Variants in NCR1 observed in about 807,000 individuals in gnomAD.
NCR1 encodes the protein NK cell-activating receptor.
A neutral mutation model predicts 32.5 loss-of-function variants in NCR1; 30 were observed. The observed-to-expected ratio is 0.92, with a 90% CI of 0.69 to 1.25. NCR1 has a LOEUF of 1.25. Among genes scored for constraint, NCR1 ranks in the 50% most tolerant of loss-of-function variants. The probability of loss-of-function intolerance (pLI) is 0.00; values close to 1 mark genes in which losing one functional copy is unlikely to be tolerated. For synonymous variants in NCR1, 169 were observed against 143.4 expected, an observed-to-expected ratio of 1.18 and a Z score of -1.28; for missense variants, 369 against 380.7, an observed-to-expected ratio of 0.97 and a Z score of 0.26.
At chr19:54,937,022 T>C in the NCR1 span, among the ~76,000 whole-genome samples, 898 of 151,166 alleles carry the variant, frequency 5.9e-3, 6 homozygotes, top group Middle Eastern at 0.01. Context: ...ATCAAGACCA[T>C]CCTGGCTAAC....
chr19:54,934,756 C>A, the NCR1 span: 1 of 1,044,312 alleles, frequency 9.6e-7, no homozygotes, highest in Admixed American at 2.6e-5. The surrounding 1 kb of genome is among the most constrained non-coding windows in gnomAD (Gnocchi z 6.7). Context: ...GTTGCCCAGT[C>A]TGGAATGCAA....
At chr19:54,904,822 G>A (rs761284368), upstream of NCR1, among the ~76,000 whole-genome samples, 15 of 152,072 alleles carry the variant, frequency 9.9e-5, no homozygotes, top group Non-Finnish European at 1.6e-4. Context: ...CTGAGCCACC[G>A]TGTCTGGCCA....
At chr19:54,915,360 A>T (rs182760586), downstream of NCR1, among the ~76,000 whole-genome samples, 13 of 152,232 alleles carry the variant, frequency 8.5e-5, no homozygotes, top group East Asian at 2.5e-3. Flanking sequence ...ACCCATTTAT[A>T]TACTCATCGC....
At chr19:54,912,287 A>C in intron 6 of NCR1, 69 bp downstream of exon 6, 1 of 1,479,398 alleles carries the variant, frequency 6.8e-7, no homozygotes, top group Non-Finnish European at 9.4e-7. Context: ...TAGGAAGGGA[A>C]TCTAAATGGG....
chr19:54,907,335 G>C (rs1427857086), intron 3 of NCR1, among the ~76,000 whole-genome samples: 4 of 151,040 alleles, frequency 2.6e-5, no homozygotes, highest in Non-Finnish European at 4.4e-5. Context: ...ATTTTTAGTA[G>C]AGATGGGGTT....
chr19:54,935,874 C>T, the NCR1 span, among the ~76,000 whole-genome samples: 2 of 151,914 alleles, frequency 1.3e-5, no homozygotes, highest in East Asian at 3.9e-4. Flanking sequence ...GATCTGAGAT[C>T]GAACAGTTTC....
At chr19:54,929,972 A>G in the NCR1 span, among the ~76,000 whole-genome samples, 83,109 of 150,444 alleles carry the variant, frequency 0.55, 23,230 homozygotes, top group East Asian at 0.71. Flanking sequence ...AAAATTAGCC[A>G]GGCACGGTGG....
chr19:54,898,867 G>A, the NCR1 span, among the ~76,000 whole-genome samples: 8,266 of 152,244 alleles, frequency 0.054, 374 homozygotes, highest in African/African-American at 0.12. Context: ...GCTAGTCATG[G>A]AATGGAACTG....
upstream of NCR1, among the ~76,000 whole-genome samples, chr19:54,903,448 A>C (rs962259737): frequency 1.7e-5 from 2 of 117,668 alleles, 1 homozygote; most frequent in African/African-American, 6.5e-5. Context: ...ACATGTATGT[A>C]TATACATATA....
chr19:54,936,417 G>T, the NCR1 span: 2 of 1,614,062 alleles, frequency 1.2e-6, no homozygotes, highest in East Asian at 2.2e-5. Context: ...GGTGTCAGGG[G>T]TGACGTTTTT....
chr19:54,907,485 CTTT>C (rs34400827), intron 3 of NCR1, among the ~76,000 whole-genome samples: 8 of 137,020 alleles, frequency 5.8e-5, no homozygotes, highest in African/African-American at 8.1e-5. Context: ...AAAAAATTAG[CTTT>C]TTTTTTTTTT....
At chr19:54,926,168 C>T in the NCR1 span, among the ~76,000 whole-genome samples, 4 of 151,556 alleles carry the variant, frequency 2.6e-5, no homozygotes, top group Admixed American at 2.6e-4. Context: ...CCCAGGACAG[C>T]TCTGGGAACT....
chr19:54,927,652 C>G, the NCR1 span: 1 of 1,614,182 alleles, frequency 6.2e-7, no homozygotes, highest in East Asian at 2.2e-5. Flanking sequence ...CCCCAAAGAG[C>G]TTAATTATGC....
At chr19:54,923,435 T>C in the NCR1 span, 192 of 454,206 alleles carry the variant, frequency 4.2e-4, 2 homozygotes, top group South Asian at 3.9e-3. Context: ...TTCTTAGCAA[T>C]ACTTCCTCCT....
the NCR1 span, among the ~76,000 whole-genome samples, chr19:54,935,413 T>C: frequency 7.2e-5 from 11 of 151,956 alleles, no homozygotes; most frequent in Admixed American, 4.6e-4. Flanking sequence ...AATTTTATCC[T>C]GGCCAGGCGC....
At chr19:54,919,569 G>A (rs1216889535), downstream of NCR1, among the ~76,000 whole-genome samples, 10 of 152,054 alleles carry the variant, frequency 6.6e-5, no homozygotes, top group Admixed American at 1.3e-4. Context: ...ACATGAAGGC[G>A]GACTAGGAGC....
the NCR1 span, chr19:54,938,171 A>G: frequency 1.9e-6 from 3 of 1,614,146 alleles, no homozygotes; most frequent in South Asian, 2.2e-5. Context: ...AAGAGAGAGC[A>G]GAAATCTGTC....
At chr19:54,914,634 C>T (rs555222107), downstream of NCR1, among the ~76,000 whole-genome samples, 4 of 152,172 alleles carry the variant, frequency 2.6e-5, no homozygotes, top group South Asian at 6.2e-4. Flanking sequence ...TCACCGTACC[C>T]GGCCACCATC....
upstream of NCR1, among the ~76,000 whole-genome samples, chr19:54,903,539 T>C (rs1418592909): frequency 6.9e-6 from 1 of 144,754 alleles, no homozygotes; most frequent in East Asian, 2.1e-4. Flanking sequence ...TATATATGCA[T>C]GTATGCATGT....
Sources: allele counts gnomAD v4.1 joint callset (sites outside exome capture counted in the v4.1 genomes callset), GRCh38; gene constraint gnomAD v4.1.1; non-coding constraint Gnocchi (gnomAD v3.1); transcripts MANE v1.5; gene names NCBI Gene and HGNC (gene_info 2026-07-23, HGNC 2026-07-21).